The following ACTR10 variants were observed in gnomAD, a reference collection of about 807,000 sequenced individuals.
ACTR10 encodes actin-related protein 10.
In ACTR10, 43 loss-of-function variants were observed where a neutral mutation model predicts 56.2. The ratio of observed to expected loss-of-function variants is 0.77; its 90% confidence interval spans 0.60 to 0.99. ACTR10 has a LOEUF of 0.99. Ranked by LOEUF, ACTR10 falls within the 50% of genes least tolerant of loss-of-function variation. The probability of loss-of-function intolerance (pLI) is 0.00; values close to 1 mark genes in which losing one functional copy is unlikely to be tolerated. For missense variants in ACTR10, 466 were observed against 507.8 expected, an observed-to-expected ratio of 0.92 and a Z score of 0.79; for synonymous variants, 170 against 176.3, an observed-to-expected ratio of 0.96 and a Z score of 0.28.
In ACTR10 at chr14:58,202,896, C is replaced by T; in HGVS notation, c.119C>T (p.Pro40Leu). 6.2e-7 allele frequency: 1 copy of T among 1,605,672 alleles called. No homozygotes were observed. Among genetic ancestry groups the T allele is most frequent in the Non-Finnish European group, 8.5e-7 (1 of 1,176,108 alleles). The change falls in exon 2 of 13, where the codon CCT becomes CTT. Residue 40 changes from proline to leucine, a missense_variant. Physicochemically the swap from Pro to Leu is moderately conservative, Grantham distance 98. Coordinates refer to ENST00000254286, the MANE Select transcript of ACTR10 (RefSeq NM_018477.3). ...AGETGPRCII[P>L]SVIKRAGMPK... Reference sequence around the variant, plus strand: ...GAAACTGGTCCAAGATGTATAATTCCTAGTGTGATAAAAAGAGCTGGGATG... The same window carrying T: ...GAAACTGGTCCAAGATGTATAATTCTTAGTGTGATAAAAAGAGCTGGGATG...
chr14:58,223,324 G>A (rs547739565), intron 8 of ACTR10, among the ~76,000 whole-genome samples: 3 of 152,296 alleles, frequency 2.0e-5, no homozygotes, highest in African/African-American at 7.2e-5. Context: ...TTTTAGTAGA[G>A]ATGGGGTGTC....
chr14:58,225,534 A>C (rs1826378343), intron 10 of ACTR10, among the ~76,000 whole-genome samples: 1 of 152,188 alleles, frequency 6.6e-6, no homozygotes, highest in Non-Finnish European at 1.5e-5. Flanking sequence ...GGGTAGCAAA[A>C]GAGTAAGAAT....
At position 58,201,000 on chromosome 14, in the gene ACTR10, A is replaced by G. The variant is rs543656214; in HGVS notation, c.77+706A>G. On this transcript the variant is annotated intron_variant, in intron 1 of 12. Coordinates refer to ENST00000254286, the MANE Select transcript of ACTR10 (RefSeq NM_018477.3). Reference sequence around the variant, plus strand: ...GTTTCAGGGAATTGGCAGACAATCAATGTGGTCCTGGGACCCTAGATTAAG... The same window carrying G: ...GTTTCAGGGAATTGGCAGACAATCAGTGTGGTCCTGGGACCCTAGATTAAG... 3.7e-3 allele frequency among the ~76,000 whole-genome samples: 562 copies of G among 152,358 alleles called. 6 individuals are homozygous for G. Among genetic ancestry groups the G allele is most frequent in the African/African-American group, 0.013 (529 of 41,580 alleles).
intron 3 of ACTR10, among the ~76,000 whole-genome samples, chr14:58,208,587 C>T (rs1296718839): frequency 6.6e-6 from 1 of 151,894 alleles, no homozygotes; most frequent in Non-Finnish European, 1.5e-5. Flanking sequence ...GGTGCTGTGG[C>T]TCACATCTGT....
In ACTR10 at chr14:58,223,675, A is replaced by G; in HGVS notation, c.688A>G (p.Lys230Glu). 6.2e-7 allele frequency: 1 copy of G among 1,613,580 alleles called. No homozygotes were observed. The highest frequency in any genetic ancestry group is 1.1e-5 in the South Asian group (1 of 90,870). The change falls in exon 9 of 13, where the codon AAA becomes GAA. Residue 230 changes from lysine to glutamate, a missense_variant. By Grantham distance (56) the Lys-to-Glu change is moderately conservative (BLOSUM62 1). Transcript: ENST00000254286. ...GCGAGGACTAAAAATCCAAGCAGCA[A>G]AATTTAATATTGATGGGAATAATGA... Reference protein sequence around the residue: ...LKRGLKIQAAKFNIDGNNERP... With the variant: ...LKRGLKIQAAEFNIDGNNERP...
At chr14:58,202,260 T>C (rs77379152) in intron 1 of ACTR10, among the ~76,000 whole-genome samples, 1 of 152,028 alleles carries the variant, frequency 6.6e-6, no homozygotes, top group Non-Finnish European at 1.5e-5. Context: ...AGATATGTCT[T>C]GCCTAAATTC....
At chr14:58,234,054 T>G (rs200046907) in intron 12 of ACTR10, among the ~76,000 whole-genome samples, 1 of 152,218 alleles carries the variant, frequency 6.6e-6, no homozygotes, top group Admixed American at 6.5e-5. Flanking sequence ...TCTTATTGAT[T>G]GTATTTACAC....
chr14:58,232,471 G>A (rs1336504678), intron 12 of ACTR10, among the ~76,000 whole-genome samples: 1 of 131,062 alleles, frequency 7.6e-6, no homozygotes, highest in East Asian at 2.3e-4. Context: ...GGAGTGCAGT[G>A]GTGGTGCGAT....
In ACTR10 at chr14:58,219,693, G is replaced by T; in HGVS notation, c.599-1G>T. 1 of 1,498,010 alleles carries T rather than the reference G, an allele frequency of 6.7e-7. No individual in the cohort carries two copies. The highest frequency in any genetic ancestry group is 8.9e-7 in the Non-Finnish European group (1 of 1,119,500). 92.8% of individuals were successfully genotyped at this position (1,498,010 alleles called of 1,614,324 possible). ...AATTCTAAATGAAATATTTGTTTTA[G>T]GTTCAGTTCCGGAAGGTGTCTTAGA... On this transcript the variant is annotated splice_acceptor_variant, in intron 7 of 12. Coordinates refer to ENST00000254286, the MANE Select transcript of ACTR10 (RefSeq NM_018477.3). LOFTEE classifies it high-confidence loss of function.
At chr14:58,201,822 ATGG>A (rs1888710812) in intron 1 of ACTR10, among the ~76,000 whole-genome samples, 1 of 151,482 alleles carries the variant, frequency 6.6e-6, no homozygotes, top group Non-Finnish European at 1.5e-5. Flanking sequence ...CCTGGGCAAC[ATGG>A]GGAAACCCAG....
intron 2 of ACTR10, among the ~76,000 whole-genome samples, chr14:58,205,078 G>A (rs1888822439): frequency 6.6e-6 from 1 of 151,618 alleles, no homozygotes; most frequent in Non-Finnish European, 1.5e-5. Flanking sequence ...AAATTAGCCG[G>A]GCATGGTGGC....
At chr14:58,205,156 G>T (rs1253604485) in intron 2 of ACTR10, among the ~76,000 whole-genome samples, 1 of 151,928 alleles carries the variant, frequency 6.6e-6, no homozygotes, top group South Asian at 2.1e-4. Context: ...GGGAGGTGGA[G>T]GTTGTGGTGA....
chr14:58,226,450 A>C (rs996893344), intron 10 of ACTR10, among the ~76,000 whole-genome samples: 3 of 151,688 alleles, frequency 2.0e-5, no homozygotes, highest in Non-Finnish European at 4.4e-5. Flanking sequence ...AAAAAAAGGA[A>C]ATTCAATGAA....
At chr14:58,210,939 TG>T (rs1888978694) in intron 4 of ACTR10, 1 of 175,142 alleles carries the variant, frequency 5.7e-6, no homozygotes, top group East Asian at 1.7e-4. Context: ...CCTCCCAAAG[TG>T]CTGGGATTAC....
In ACTR10 at chr14:58,202,836, AT is replaced by A; in HGVS notation, c.78-15del. 1 of 1,553,566 alleles carries A rather than the reference AT, an allele frequency of 6.4e-7. No individual in the cohort carries two copies. Among genetic ancestry groups the A allele is most frequent in the Non-Finnish European group, 8.8e-7 (1 of 1,137,678 alleles). ...TAAAAGAATACTATAAGTTGTTTCA[AT>A]TTTCCATTTATTTGCAGGTGTGGAT... On this transcript the variant is annotated intron_variant, in intron 1 of 12. Coordinates refer to ENST00000254286, the MANE Select transcript of ACTR10 (RefSeq NM_018477.3).
At position 58,212,483 on chromosome 14, in the gene ACTR10, TATTTATTAGAAAAAATATTC is replaced by T. The variant is rs2140049134; in HGVS notation, c.450+1087_450+1106del. 1.3e-5 allele frequency among the ~76,000 whole-genome samples: 2 copies of T among 152,328 alleles called. 1 individual carries two copies. Among genetic ancestry groups the T allele is most frequent in the African/African-American group, 4.8e-5 (2 of 41,576 alleles). On this transcript the variant is annotated intron_variant, in intron 5 of 12. Transcript: ENST00000254286. The stretch of plus-strand genomic sequence containing the variant: ...CTTGCAATTTTGAGATCTACATGTA[TATTTATTAGAAAAAATATTC>T]ATGGAAGGAAATTAAGCATCATTAA...
At chr14:58,233,893 G>A (rs961783688) in intron 12 of ACTR10, among the ~76,000 whole-genome samples, 6 of 152,192 alleles carry the variant, frequency 3.9e-5, no homozygotes, top group Non-Finnish European at 8.8e-5. Flanking sequence ...AATTGATTTA[G>A]TAATGGAATT....
chr14:58,228,582 C>T (rs962203067), intron 10 of ACTR10, among the ~76,000 whole-genome samples: 2 of 143,562 alleles, frequency 1.4e-5, no homozygotes, highest in South Asian at 2.1e-4. Context: ...TTGCACAGAG[C>T]GAGACTCTGT....
At chr14:58,224,448 T>C (rs988757938) in intron 10 of ACTR10, among the ~76,000 whole-genome samples, 2 of 152,078 alleles carry the variant, frequency 1.3e-5, no homozygotes, top group Non-Finnish European at 2.9e-5. Flanking sequence ...GGTTTCACCA[T>C]GTTGGCAAGG....
Sources: gnomAD v4.1 joint callset for allele counts (sites outside exome capture counted in the v4.1 genomes callset) on GRCh38, gnomAD v4.1.1 for gene constraint, MANE v1.5 for transcripts, NCBI Gene and HGNC (gene_info 2026-07-23, HGNC 2026-07-21) for gene names.